Variants in GNA13 observed in about 807,000 individuals in gnomAD.
GNA13 encodes guanine nucleotide-binding protein subunit alpha-13.
In GNA13, 4 loss-of-function variants were observed where a neutral mutation model predicts 33.5. The observed-to-expected ratio is 0.12, with a 90% confidence interval of 0.06 to 0.27. GNA13 has a LOEUF of 0.27. GNA13 is among the 10% of genes least tolerant of loss of function. GNA13 has a pLI of 1.00. For missense variants in GNA13, 319 were observed against 487.2 expected (o/e 0.65, Z 3.25); for synonymous variants, 176 against 183.8 (o/e 0.96, Z 0.34).
chr17:65,033,693 C>T (rs1488359759), intron 2 of GNA13, among the ~76,000 whole-genome samples: 1 of 151,846 alleles, frequency 6.6e-6, no homozygotes, highest in Non-Finnish European at 1.5e-5. Flanking sequence ...AAATTTCTTG[C>T]CAGCAATTTC....
At chr17:65,026,109 A>G (rs1195106540) in intron 2 of GNA13, among the ~76,000 whole-genome samples, 1 of 151,954 alleles carries the variant, frequency 6.6e-6, no homozygotes, top group African/African-American at 2.4e-5. Flanking sequence ...ATGATTTTAT[A>G]TATTAGTTAA....
chr17:65,020,129 C>T (rs1906530633), intron 2 of GNA13, among the ~76,000 whole-genome samples: 1 of 152,188 alleles, frequency 6.6e-6, no homozygotes, highest in Non-Finnish European at 1.5e-5. Context: ...CAACTGGTAT[C>T]CTCTCCTCCT....
intron 2 of GNA13, among the ~76,000 whole-genome samples, chr17:65,042,555 G>C (rs1056888658): frequency 1.3e-5 from 2 of 151,830 alleles, no homozygotes; most frequent in Non-Finnish European, 2.9e-5. Context: ...TGGCCAACAC[G>C]GTGAAACCCC....
intron 2 of GNA13, among the ~76,000 whole-genome samples, chr17:65,024,513 A>AC (rs1273353614): frequency 5.9e-5 from 9 of 152,254 alleles, no homozygotes; most frequent in African/African-American, 2.2e-4. Flanking sequence ...ATAAATACCT[A>AC]CATAATGCCC....
chr17:65,029,314 T>G (rs536676799), intron 2 of GNA13, among the ~76,000 whole-genome samples: 40 of 152,274 alleles, frequency 2.6e-4, no homozygotes, highest in African/African-American at 9.1e-4. Flanking sequence ...TATTCCTACC[T>G]CCTCTGCCTA....
intron 1 of GNA13, 29 bp downstream of exon 1, chr17:65,056,282 A>AC: frequency 1.3e-6 from 2 of 1,524,894 alleles, no homozygotes; most frequent in Non-Finnish European, 8.9e-7. Context: ...CCTGCCCTTA[A>AC]CCCCCGGCCC....
chr17:65,047,439 T>C (rs576950529), intron 2 of GNA13, among the ~76,000 whole-genome samples: 3 of 152,296 alleles, frequency 2.0e-5, no homozygotes, highest in Admixed American at 6.5e-5. Flanking sequence ...TCTAATGTTA[T>C]ATATAATCTT....
chr17:65,046,876 C>A (rs1283309798), intron 2 of GNA13, among the ~76,000 whole-genome samples: 1 of 152,088 alleles, frequency 6.6e-6, no homozygotes, highest in Non-Finnish European at 1.5e-5. Context: ...ATATAGAAAG[C>A]AGCACAGTAT....
intron 2 of GNA13, among the ~76,000 whole-genome samples, chr17:65,052,539 G>A (rs1480019482): frequency 6.6e-6 from 1 of 152,202 alleles, no homozygotes; most frequent in South Asian, 2.1e-4. Context: ...ATTGCACACA[G>A]TCTAGATTTC....
intron 2 of GNA13, among the ~76,000 whole-genome samples, chr17:65,022,116 T>C (rs1443663489): frequency 6.6e-6 from 1 of 152,140 alleles, no homozygotes; most frequent in Non-Finnish European, 1.5e-5. Context: ...TTTAAATGGT[T>C]GGGGAAAAAA....
chr17:65,056,582 G>A lies in GNA13; in HGVS notation c.12C>T (p.Phe4=). The change falls in exon 1 of 4, where the codon TTC becomes TTT. Residue 4 remains phenylalanine (F), a synonymous_variant. Transcript: ENST00000439174. MAD[F]LPSRSVLSVC... Reference sequence around the variant, plus strand: ...CGGACAGCACGGACCGCGACGGCAGGAAGTCCGCCATCTTGCCGCCGCCGC... The same window carrying A: ...CGGACAGCACGGACCGCGACGGCAGAAAGTCCGCCATCTTGCCGCCGCCGC... 1 of 1,603,642 alleles carries A rather than the reference G, an allele frequency of 6.2e-7. No individual in the cohort carries two copies. Among genetic ancestry groups the A allele is most frequent in the Non-Finnish European group, 8.5e-7 (1 of 1,176,732 alleles).
intron 2 of GNA13, among the ~76,000 whole-genome samples, chr17:65,047,975 C>T (rs1044217295): frequency 7.9e-5 from 12 of 152,098 alleles, no homozygotes; most frequent in Admixed American, 4.6e-4. Context: ...ACTATCTTAT[C>T]GGCTTCAAGA....
At chr17:65,056,191 G>C in intron 1 of GNA13, 120 bp downstream of exon 1, 2 of 767,940 alleles carry the variant, frequency 2.6e-6, no homozygotes, top group Non-Finnish European at 1.8e-6. Context: ...CCGCCAGCCC[G>C]CCCGCCGGGC....
chr17:65,031,878 GAGAGAGAGAGAGAGAGAA>G (rs1907031844), intron 2 of GNA13, among the ~76,000 whole-genome samples: 1 of 123,926 alleles, frequency 8.1e-6, no homozygotes, highest in Middle Eastern at 3.5e-3. Context: ...GAGAGAGAGA[GAGAGAGAGAGAGAGAGAA>G]AGAGAGAGAG....
rs41300620 is a variant in GNA13, at chr17:65,013,599, T to C, written c.*658A>G. ...TTGCCTTTTGCTCTCCCATACCACC[T>C]GTGAACTCTTCATCAGCATCAGACC... On this transcript the variant is annotated 3_prime_UTR_variant, in exon 4 of 4. Transcript: ENST00000439174. The C allele has an allele frequency of 0.026, 5,759 of 219,922 alleles. 119 individuals carry two copies. The highest frequency in any genetic ancestry group is 0.04 in the Non-Finnish European group (4,412 of 109,364). 13.6% of individuals were successfully genotyped at this position (219,922 alleles called of 1,614,324 possible).
intron 2 of GNA13, among the ~76,000 whole-genome samples, chr17:65,027,579 T>C (rs776912839): frequency 6.6e-6 from 1 of 152,244 alleles, no homozygotes; most frequent in Non-Finnish European, 1.5e-5. Context: ...TTTCCTTTTC[T>C]ACAATGTATT....
chr17:65,056,228 A>C, intron 1 of GNA13, 83 bp downstream of exon 1: 1 of 959,352 alleles, frequency 1.0e-6, no homozygotes, highest in African/African-American at 1.6e-5. Context: ...GACACAGCGG[A>C]CCAGGGCGGT....
intron 2 of GNA13, among the ~76,000 whole-genome samples, chr17:65,020,574 T>G (rs17759911): frequency 6.6e-6 from 1 of 152,188 alleles, no homozygotes; most frequent in Admixed American, 6.5e-5. Context: ...AAGAATATTA[T>G]GGGTTTAAGA....
At chr17:65,052,664 A>G (rs920550776) in intron 2 of GNA13, among the ~76,000 whole-genome samples, 1 of 152,212 alleles carries the variant, frequency 6.6e-6, no homozygotes, top group Admixed American at 6.5e-5. Flanking sequence ...TGTATCTTTA[A>G]CCTGGATTGG....
Sources: gnomAD v4.1 joint callset for allele counts (sites outside exome capture counted in the v4.1 genomes callset) on GRCh38, gnomAD v4.1.1 for gene constraint, MANE v1.5 for transcripts, NCBI Gene and HGNC (gene_info 2026-07-23, HGNC 2026-07-21) for gene names.